The following MYL6 variants were observed in gnomAD, a reference collection of about 807,000 sequenced individuals.
MYL6 encodes myosin light polypeptide 6.
Under a neutral mutation model 20.3 loss-of-function variants are expected in MYL6, and 20 were observed. That is an observed-to-expected ratio of 0.98 (90% CI 0.69 to 1.43). MYL6 has a LOEUF of 1.43. MYL6 is among the 40% of genes most tolerant of loss of function. The pLI is 0.00. For synonymous variants in MYL6, 77 were observed against 72.4 expected, an observed-to-expected ratio of 1.06 and a Z score of -0.32; for missense variants, 164 against 191.0, an observed-to-expected ratio of 0.86 and a Z score of 0.83.
intron 3 of MYL6, 36 bp downstream of exon 3, chr12:56,159,766 A>AT (rs1871603860): frequency 6.2e-7 from 1 of 1,600,302 alleles, no homozygotes; most frequent in East Asian, 2.2e-5. Context: ...CAGTGTGGTC[A>AT]TGGGCCCACA....
In MYL6 at chr12:56,158,422, GGAGACGGGCA is replaced by G. The variant is rs1268628943; in HGVS notation, c.3+20_3+29del. 1 of 1,536,244 alleles carries G rather than the reference GGAGACGGGCA, an allele frequency of 6.5e-7. No homozygotes were observed. Among genetic ancestry groups the G allele is most frequent in the Non-Finnish European group, 8.7e-7 (1 of 1,144,314 alleles). On this transcript the variant is annotated intron_variant, in intron 1 of 6. Coordinates refer to ENST00000550697, the MANE Select transcript of MYL6 (RefSeq NM_021019.5). The stretch of plus-strand genomic sequence containing the variant: ...TCAAGATGGTGGGGCCCAGGTCTTG[GGAGACGGGCA>G]GGATTGGGGACGAGAGGCAGGAAGA...
chr12:56,158,472 G>A (rs1248813023), intron 1 of MYL6, 68 bp downstream of exon 1: 2 of 1,554,002 alleles, frequency 1.3e-6, no homozygotes, highest in Non-Finnish European at 1.7e-6. Flanking sequence ...GGTGGGGGGC[G>A]AGGAGAAGGC....
rs1317614057 is a variant in MYL6, at chr12:56,158,396, G to C, written c.-6G>C. ...GGAAAAGGTCCCGGAGAGCTGAGCAGTCAAGATGGTGGGGCCCAGGTCTTG... is the reference window on the plus strand; with the variant it reads ...GGAAAAGGTCCCGGAGAGCTGAGCACTCAAGATGGTGGGGCCCAGGTCTTG... On this transcript the variant is annotated 5_prime_UTR_variant, in exon 1 of 7. Coordinates refer to ENST00000550697, the MANE Select transcript of MYL6 (RefSeq NM_021019.5). 6.6e-7 allele frequency: 1 copy of C among 1,525,568 alleles called. No homozygotes were observed. The highest frequency in any genetic ancestry group is 2.2e-5 in the Admixed American group (1 of 44,844). The allele number at this position is 1,525,568 out of a possible 1,614,324, so 94.5% of individuals were successfully genotyped here. A position where few individuals can be genotyped will look rare whatever the true frequency, so the allele number is the denominator to read the frequency against.
chr12:56,159,349 A>G, intron 2 of MYL6: 1 of 494,204 alleles, frequency 2.0e-6, no homozygotes. Flanking sequence ...GGCCTGCCGC[A>G]GGCAGAGGGG....
intron 5 of MYL6, 89 bp from the exon 6 acceptor site, chr12:56,160,537 G>A (rs1871702264): frequency 2.0e-6 from 3 of 1,481,338 alleles, no homozygotes; most frequent in Admixed American, 3.3e-5. Context: ...AATGAGAAGT[G>A]AAATAATGGA....
Position 56,159,583 on chromosome 12 carries a change from T to G in MYL6, c.32-4T>G, listed in dbSNP as rs879225503. On this transcript the variant is annotated splice_polypyrimidine_tract_variant and splice_region_variant and intron_variant, in intron 2 of 6. Transcript: ENST00000550697. Reference sequence around the variant, plus strand: ...CCTGTGTTGACATTCATCTGAATCCTCAGAGTTCAAGGAGGCCTTCCAGCT... The same window carrying G: ...CCTGTGTTGACATTCATCTGAATCCGCAGAGTTCAAGGAGGCCTTCCAGCT... 3 of 1,612,724 alleles carry G rather than the reference T, an allele frequency of 1.9e-6. No individual in the cohort carries two copies. The highest frequency in any genetic ancestry group is 2.5e-6 in the Non-Finnish European group (3 of 1,179,628).
chr12:56,160,688 C>T lies in MYL6; in HGVS notation c.*16+18C>T. On this transcript the variant is annotated intron_variant, in intron 6 of 6. Transcript: ENST00000550697. ...TGGGGCGGGTACGGCTCCTCCCAGC[C>T]TCTCCTCTAGTTGATCTCCCCAGTG... 1.9e-6 allele frequency: 3 copies of T among 1,613,468 alleles called. No homozygotes were observed. In the South Asian group the frequency reaches 3.3e-5, roughly 18 times the overall value.
chr12:56,160,334 TGC>T lies in MYL6; in HGVS notation c.427+17_427+18del. Reference sequence around the variant, plus strand: ...TCAACTATGAAGGTAAGAGGTGAACTGCGCTTTCTCAGAGAAAGCAGCCATAT... The same window carrying T: ...TCAACTATGAAGGTAAGAGGTGAACTGCTTTCTCAGAGAAAGCAGCCATAT... On this transcript the variant is annotated intron_variant, in intron 5 of 6. Coordinates refer to ENST00000550697, the MANE Select transcript of MYL6 (RefSeq NM_021019.5). 1 of 1,614,088 alleles carries T rather than the reference TGC, an allele frequency of 6.2e-7. No individual in the cohort carries two copies. The highest frequency in any genetic ancestry group is 1.3e-5 in the African/African-American group (1 of 75,064).
In MYL6 at chr12:56,159,703, A is replaced by C; in HGVS notation, c.148A>C (p.Lys50Gln). Residue 50 changes from lysine (K) to glutamine (Q), a missense_variant, in exon 3 of 7, where the codon AAG becomes CAG. Transcript: ENST00000550697. ...GQNPTNAEVL[K>Q]VLGNPKSDEM... ...GAACCCTACCAACGCCGAGGTGCTC[A>C]AGGTCCTGGGGAACCCCAAGAGTGA... 1.2e-6 allele frequency: 2 copies of C among 1,614,054 alleles called. No individual in the cohort carries two copies. The highest frequency in any genetic ancestry group is 2.2e-5 in the East Asian group (1 of 44,904).
intron 6 of MYL6, 108 bp downstream of exon 6, chr12:56,160,778 C>G: frequency 7.9e-7 from 1 of 1,273,760 alleles, no homozygotes; most frequent in South Asian, 1.3e-5. Flanking sequence ...CTGACTTCCT[C>G]CTGGCATGTT....
chr12:56,158,398 CAAG>C lies in MYL6; in HGVS notation c.-2_1del, dbSNP rs2136910671. 1 of 1,525,372 alleles carries C rather than the reference CAAG, an allele frequency of 6.6e-7. No individual in the cohort carries two copies. The highest frequency in any genetic ancestry group is 2.3e-5 in the East Asian group (1 of 44,210). The allele number at this position is 1,525,372 out of a possible 1,614,324, so 94.5% of individuals were successfully genotyped here. A position where few individuals can be genotyped will look rare whatever the true frequency, so the allele number is the denominator to read the frequency against. On this transcript the variant is annotated 5_prime_UTR_variant, in exon 1 of 7. Coordinates refer to ENST00000550697, the MANE Select transcript of MYL6 (RefSeq NM_021019.5). The stretch of plus-strand genomic sequence containing the variant: ...AAAAGGTCCCGGAGAGCTGAGCAGT[CAAG>C]ATGGTGGGGCCCAGGTCTTGGGAGA...
At chr12:56,159,383 C>A in intron 2 of MYL6, 2 of 604,064 alleles carry the variant, frequency 3.3e-6, no homozygotes, top group Non-Finnish European at 5.4e-6. Context: ...TGTTACCAGG[C>A]TGCCAGAAGG....
Position 56,159,750 on chromosome 12 carries a change from A to T in MYL6, c.175+20A>T, listed in dbSNP as rs1555217048. ...GTGATGGTGAGGGGCCTAAAGAACA[A>T]CTCCTCAGTGTGGTCATGGGCCCAC... On this transcript the variant is annotated intron_variant, in intron 3 of 6. Coordinates refer to ENST00000550697, the MANE Select transcript of MYL6 (RefSeq NM_021019.5). 6.2e-7 allele frequency: 1 copy of T among 1,611,168 alleles called. No individual in the cohort carries two copies. Among genetic ancestry groups the T allele is most frequent in the Admixed American group, 1.7e-5 (1 of 59,502 alleles).
chr12:56,159,268 G>A (rs944704190), intron 2 of MYL6: 2 of 351,048 alleles, frequency 5.7e-6, no homozygotes, highest in East Asian at 5.9e-5. Context: ...TTCCTTATAA[G>A]GACAGGACTG....
chr12:56,160,463 G>T, intron 5 of MYL6, 143 bp downstream of exon 5: 1 of 1,429,158 alleles, frequency 7.0e-7, no homozygotes, highest in Non-Finnish European at 9.9e-7. Context: ...GCCCAGCCCA[G>T]GAGTGGGAGG....
intron 5 of MYL6, 139 bp downstream of exon 5, chr12:56,160,459 C>A: frequency 6.9e-7 from 1 of 1,439,534 alleles, no homozygotes; most frequent in South Asian, 1.2e-5. Flanking sequence ...CCCAGCCCAG[C>A]CCAGGAGTGG....
chr12:56,158,827 C>G (rs564457565), intron 2 of MYL6, 116 bp downstream of exon 2: 2 of 1,535,004 alleles, frequency 1.3e-6, no homozygotes, highest in East Asian at 2.3e-5. Context: ...GAGATTACCC[C>G]CTGGATTATT....
intron 6 of MYL6, 148 bp downstream of exon 6, chr12:56,160,818 G>A: frequency 1.0e-5 from 9 of 893,980 alleles, no homozygotes; most frequent in Admixed American, 2.5e-5. Context: ...GGAGGGGAGG[G>A]ATTCCTCAAA....
At chr12:56,161,171 T>G (rs1328975399) in intron 6 of MYL6, 1 of 621,550 alleles carries the variant, frequency 1.6e-6, no homozygotes, top group Non-Finnish European at 2.9e-6. Context: ...TCTTGCTGCT[T>G]AGGTTTGGGT....
Sources: gnomAD v4.1 joint callset for allele counts on GRCh38, gnomAD v4.1.1 for gene constraint, MANE v1.5 for transcripts, NCBI Gene and HGNC (gene_info 2026-07-23, HGNC 2026-07-21) for gene names.